DYM: variants seen among roughly 807,000 people sequenced by gnomAD.
DYM encodes the protein dymeclin, also known as dyggve-Melchior-Clausen syndrome protein.
In DYM, 78 loss-of-function variants were observed where a neutral mutation model predicts 93.1. The ratio of observed to expected loss-of-function variants is 0.84; its 90% CI spans 0.70 to 1.01. DYM has a LOEUF of 1.01. DYM is among the 50% of genes least tolerant of loss of function. The pLI, the probability that DYM is intolerant of heterozygous loss-of-function variation, is 0.00. For synonymous variants in DYM, 321 were observed against 319.7 expected (o/e 1.00, Z -0.04); for missense variants, 789 against 845.0 (o/e 0.93, Z 0.82).
intron 17 of DYM, among the ~76,000 whole-genome samples, chr18:49,047,214 C>T (rs1339697157): frequency 6.6e-6 from 1 of 152,196 alleles, no homozygotes; most frequent in Non-Finnish European, 1.5e-5. Context: ...CCTAGATCTC[C>T]CCACACCCTG....
At chr18:49,054,775 A>C (rs1414467526) in intron 17 of DYM, among the ~76,000 whole-genome samples, 1 of 152,176 alleles carries the variant, frequency 6.6e-6, no homozygotes, top group Non-Finnish European at 1.5e-5. Flanking sequence ...GCAGACACGG[A>C]TCCTGAGCTC....
intron 13 of DYM, among the ~76,000 whole-genome samples, chr18:49,233,953 C>T (rs536023671): frequency 1.8e-3 from 278 of 152,082 alleles, no homozygotes; most frequent in African/African-American, 6.4e-3. Flanking sequence ...GGTGAAATCC[C>T]GTCTCTACTA....
At chr18:49,389,964 C>G (rs1390004133) in intron 3 of DYM, among the ~76,000 whole-genome samples, 1 of 152,036 alleles carries the variant, frequency 6.6e-6, no homozygotes, top group Non-Finnish European at 1.5e-5. Context: ...AGTAACTACA[C>G]TAATATTGTT....
At chr18:49,217,352 T>C (rs531424818) in intron 13 of DYM, among the ~76,000 whole-genome samples, 1,525 of 152,264 alleles carry the variant, frequency 0.01, 42 homozygotes, top group South Asian at 0.075. Context: ...CCAGGAGAAC[T>C]TCCCCAATCT....
chr18:49,380,834 GT>G (rs1317423785), intron 3 of DYM, among the ~76,000 whole-genome samples: 1 of 152,168 alleles, frequency 6.6e-6, no homozygotes, highest in South Asian at 2.1e-4. Context: ...TTGACCAATG[GT>G]TTTCAAAATG....
intron 8 of DYM, among the ~76,000 whole-genome samples, chr18:49,326,083 G>A (rs1034954871): frequency 6.6e-6 from 1 of 152,112 alleles, no homozygotes; most frequent in Non-Finnish European, 1.5e-5. Context: ...CTGAAGGTGC[G>A]AATTACCAGG....
At chr18:49,367,036 A>T (rs187095090) in intron 5 of DYM, among the ~76,000 whole-genome samples, 154 of 152,332 alleles carry the variant, frequency 1.0e-3, no homozygotes, top group Admixed American at 2.7e-3. Flanking sequence ...ATATTCAACC[A>T]ATTCATGTTT....
chr18:49,425,803 C>T (rs2074224351), intron 2 of DYM, among the ~76,000 whole-genome samples: 1 of 152,210 alleles, frequency 6.6e-6, no homozygotes, highest in African/African-American at 2.4e-5. Flanking sequence ...AAATGCTCAT[C>T]ATCACTGGCC....
In DYM at chr18:49,044,197, G is replaced by C. The variant is rs2071161841; in HGVS notation, c.2033C>G (p.Pro678Arg). The C allele has an allele frequency of 6.2e-7, 1 of 1,614,084 alleles. No individual in the cohort carries two copies. Among genetic ancestry groups the C allele is most frequent in the South Asian group, 1.1e-5 (1 of 91,074 alleles). The change falls in exon 18 of 18, where the codon CCA (proline) becomes CGA (arginine). Residue 678 changes from proline to arginine, a missense_variant. Pro to Arg is a moderately radical substitution (Grantham distance 103). This residue lies in a region of DYM where 114 missense variants were observed against 105.8 expected (regional missense o/e 1.08). Transcript: ENST00000675505. The stretch of plus-strand genomic sequence containing the variant: ...TTCCACATATTTGAATTTCAATTCT[G>C]GAAATTTCTGCAATGAAAATAAGAT... Reference protein sequence around the residue: ...ALPKDRLKKFPELKFKYVEEE... With the variant: ...ALPKDRLKKFRELKFKYVEEE...
At chr18:49,286,314 T>C in intron 9 of DYM, 120 bp downstream of exon 9, 1 of 1,194,166 alleles carries the variant, frequency 8.4e-7, no homozygotes, top group East Asian at 2.3e-5. Context: ...TTTTCTCATG[T>C]TTGACCAATA....
At chr18:49,125,667 C>T (rs995558825) in intron 15 of DYM, among the ~76,000 whole-genome samples, 4 of 152,116 alleles carry the variant, frequency 2.6e-5, no homozygotes, top group Admixed American at 6.5e-5. Flanking sequence ...GTCAAAGAAT[C>T]GTAAAATTAT....
chr18:49,284,948 A>G (rs1005132271), intron 9 of DYM, among the ~76,000 whole-genome samples: 2 of 152,194 alleles, frequency 1.3e-5, no homozygotes, highest in Non-Finnish European at 2.9e-5. Flanking sequence ...CTAAGGGCCC[A>G]TCTCTCATCA....
chr18:49,402,054 T>C (rs1209141304), intron 2 of DYM, among the ~76,000 whole-genome samples: 1 of 147,472 alleles, frequency 6.8e-6, no homozygotes, highest in Non-Finnish European at 1.5e-5. Flanking sequence ...AAAAAGAAAA[T>C]GTTCACAACT....
intron 15 of DYM, among the ~76,000 whole-genome samples, chr18:49,135,596 C>A (rs2083770300): frequency 6.6e-6 from 1 of 152,282 alleles, no homozygotes; most frequent in East Asian, 1.9e-4. Context: ...ACAAATGTTT[C>A]TTATTAGGTA....
At chr18:49,455,327 A>G (rs1158983433) in intron 1 of DYM, among the ~76,000 whole-genome samples, 2 of 152,212 alleles carry the variant, frequency 1.3e-5, no homozygotes, top group South Asian at 2.1e-4. Flanking sequence ...CACATGCTCA[A>G]TACTGAACTG....
chr18:49,372,850 G>C (rs1293690947), intron 5 of DYM, among the ~76,000 whole-genome samples: 1 of 151,346 alleles, frequency 6.6e-6, no homozygotes, highest in African/African-American at 2.4e-5. Flanking sequence ...GAAAAGGTCT[G>C]TCAGTATGCA....
At chr18:49,425,263 T>C (rs1033373769) in intron 2 of DYM, among the ~76,000 whole-genome samples, 8 of 152,298 alleles carry the variant, frequency 5.3e-5, no homozygotes, top group Non-Finnish European at 5.9e-5. Context: ...ATCTGATCTT[T>C]GACAAACCTG....
intron 11 of DYM, among the ~76,000 whole-genome samples, chr18:49,264,518 C>T (rs1189818286): frequency 6.6e-6 from 1 of 152,136 alleles, no homozygotes; most frequent in African/African-American, 2.4e-5. Flanking sequence ...CTTGATATAT[C>T]AGATTTTGTC....
chr18:49,292,624 A>AAAAAAAAAAAAC (rs1568189068), intron 8 of DYM, among the ~76,000 whole-genome samples: 14 of 65,044 alleles, frequency 2.2e-4, no homozygotes, highest in African/African-American at 5.9e-4. Flanking sequence ...AAAAAAAAAA[A>AAAAAAAAAAAAC]ACCCCCACAA....
Sources: gnomAD v4.1 joint callset for allele counts (sites outside exome capture counted in the v4.1 genomes callset) on GRCh38, gnomAD v4.1.1 for gene constraint, gnomAD v4.1.1 regional missense constraint, MANE v1.5 for transcripts, NCBI Gene and HGNC (gene_info 2026-07-23, HGNC 2026-07-21) for gene names.